Variants in PIK3C2B observed in about 807,000 individuals in gnomAD.
PIK3C2B encodes phosphatidylinositol-4-phosphate 3-kinase catalytic subunit type 2 beta.
In PIK3C2B, 83 loss-of-function variants were observed where a neutral mutation model predicts 184.3. That is an observed-to-expected ratio of 0.45 (90% CI 0.38 to 0.54). The LOEUF is 0.54. Ranked by LOEUF, PIK3C2B falls within the 20% of genes least tolerant of loss-of-function variation. The probability of loss-of-function intolerance (pLI) is 0.00; values close to 1 mark genes in which losing one functional copy is unlikely to be tolerated. For missense variants in PIK3C2B, 1,736 were observed against 2,113.5 expected, an observed-to-expected ratio of 0.82 and a Z score of 3.50; for synonymous variants, 779 against 837.6, an observed-to-expected ratio of 0.93 and a Z score of 1.21.
At chr1:204,440,963 C>T (rs1675626489) in intron 21 of PIK3C2B, among the ~76,000 whole-genome samples, 2 of 152,106 alleles carry the variant, frequency 1.3e-5, no homozygotes, top group African/African-American at 2.4e-5. Flanking sequence ...TTGGAACTTG[C>T]GCATAGCAAA....
chr1:204,480,700 G>A (rs543810973), intron 1 of PIK3C2B, among the ~76,000 whole-genome samples: 71 of 152,024 alleles, frequency 4.7e-4, no homozygotes, highest in African/African-American at 1.6e-3. Context: ...GTGGGCTGCC[G>A]GCAGCTGACA....
Position 204,445,963 on chromosome 1 carries a change from G to A in PIK3C2B, c.2671C>T (p.His891Tyr), listed in dbSNP as rs757038958. 4.6e-6 allele frequency: 7 copies of A among 1,529,120 alleles called. No individual in the cohort carries two copies. Among genetic ancestry groups the A allele is most frequent in the Non-Finnish European group, 6.2e-6 (7 of 1,129,656 alleles). The allele number at this position is 1,529,120 out of a possible 1,614,324, so 94.7% of individuals were successfully genotyped here. A position where few individuals can be genotyped will look rare whatever the true frequency, so the allele number is the denominator to read the frequency against. The change falls in exon 16 of 33, where the codon CAT (histidine) becomes TAT (tyrosine). Residue 891 changes from histidine (H) to tyrosine (Y), a missense_variant. By Grantham distance (83) the His-to-Tyr change is moderately conservative. This residue lies in a region of PIK3C2B where 289 missense variants were observed against 380.4 expected (regional missense o/e 0.76). Coordinates refer to ENST00000684373, the MANE Select transcript of PIK3C2B (RefSeq NM_001377334.1). ...MNHQDALGLL[H>Y]ATFPDQEVRR... ...GCAGATGTTACAACTCACGTGGCATGCAGGAGCCCCAGGGCATCCTGGTGG... is the reference window on the plus strand; with the variant it reads ...GCAGATGTTACAACTCACGTGGCATACAGGAGCCCCAGGGCATCCTGGTGG...
intron 1 of PIK3C2B, among the ~76,000 whole-genome samples, chr1:204,484,983 G>A (rs947795100): frequency 8.6e-5 from 13 of 151,934 alleles, no homozygotes; most frequent in African/African-American, 3.1e-4. Flanking sequence ...GGGAGTCCAG[G>A]TCCTTAGACT....
intron 21 of PIK3C2B, 100 bp downstream of exon 21, chr1:204,441,371 C>G: frequency 1.4e-6 from 1 of 695,692 alleles, no homozygotes; most frequent in Non-Finnish European, 2.6e-6. Context: ...CAGCATGGAA[C>G]AGTGGGAAGA....
chr1:204,424,951 G>A lies in PIK3C2B; in HGVS notation c.4806C>T (p.Val1602=). The A allele has an allele frequency of 6.2e-7, 1 of 1,614,182 alleles. No homozygotes were observed. The highest frequency in any genetic ancestry group is 8.5e-7 in the Non-Finnish European group (1 of 1,179,976). The stretch of plus-strand genomic sequence containing the variant: ...GGCGGATGTTCACCTCACCGAGGAG[G>A]ACGTTCTCCCAGAATCCCTGCTCAC... ...VLSEQGFWEN[V]LLGEVNIRLR... The change falls in exon 33 of 33, where the codon GTC becomes GTT. Residue 1602 remains valine, a synonymous_variant. Coordinates refer to ENST00000684373, the MANE Select transcript of PIK3C2B (RefSeq NM_001377334.1).
At chr1:204,464,875 G>A (rs1381434972) in intron 3 of PIK3C2B, among the ~76,000 whole-genome samples, 1 of 152,146 alleles carries the variant, frequency 6.6e-6, no homozygotes, top group Non-Finnish European at 1.5e-5. Flanking sequence ...AAGTTTAATG[G>A]AAAATTTTTT....
rs1653630373 is a variant in PIK3C2B, at chr1:204,444,111, T to C, written c.2824A>G (p.Lys942Glu). The C allele has an allele frequency of 1.2e-6, 2 of 1,613,926 alleles. No individual in the cohort carries two copies. The highest frequency in any genetic ancestry group is 1.7e-6 in the Non-Finnish European group (2 of 1,179,884). ...LDSPLVRFLL[K>E]RAVSDLRVTH... ...ACTCTCAAGTCAGACACAGCTCGTT[T>C]CAGGAGGAAGCGCACCAACGGGCTG... is the stretch of plus-strand genomic sequence containing the variant. The change falls in exon 18 of 33, where the codon AAA (lysine) becomes GAA (glutamate). Residue 942 changes from lysine to glutamate, a missense_variant. By Grantham distance (56) the Lys-to-Glu change is moderately conservative (BLOSUM62 1). Transcript: ENST00000684373.
chr1:204,443,392 G>T, intron 19 of PIK3C2B, 25 bp downstream of exon 19: 1 of 1,601,626 alleles, frequency 6.2e-7, no homozygotes, highest in Non-Finnish European at 8.5e-7. Flanking sequence ...TGAGAAATGG[G>T]TAGGGGCAGC....
chr1:204,457,630 T>C, intron 9 of PIK3C2B, 98 bp downstream of exon 9: 1 of 1,178,510 alleles, frequency 8.5e-7, no homozygotes, highest in Non-Finnish European at 1.2e-6. Context: ...AGCCCCTTTT[T>C]AGTGAGTGAA....
chr1:204,452,003 ACTGTC>A (rs1424992742), intron 12 of PIK3C2B, among the ~76,000 whole-genome samples: 5 of 152,164 alleles, frequency 3.3e-5, no homozygotes, highest in Non-Finnish European at 7.3e-5. Flanking sequence ...TGGCCCAAAG[ACTGTC>A]CTCTGAACGC....
At chr1:204,464,738 GC>G in intron 3 of PIK3C2B, 134 bp from the exon 4 acceptor site, 1 of 756,132 alleles carries the variant, frequency 1.3e-6, no homozygotes, top group Non-Finnish European at 2.1e-6. Context: ...AAATTTGCAG[GC>G]CAGGATGGGG....
At chr1:204,443,796 T>TTAAG (rs1219482846) in intron 18 of PIK3C2B, among the ~76,000 whole-genome samples, 199 bp from the exon 19 acceptor site, 1 of 152,194 alleles carries the variant, frequency 6.6e-6, no homozygotes, top group Non-Finnish European at 1.5e-5. Flanking sequence ...CACTCTGTCT[T>TTAAG]TAAGTAGAGT....
At chr1:204,454,473 C>T in intron 12 of PIK3C2B, 196 bp downstream of exon 12, 2 of 502,542 alleles carry the variant, frequency 4.0e-6, no homozygotes, top group Non-Finnish European at 6.8e-6. Flanking sequence ...CAAAGCGAGG[C>T]TGCCTCTCAA....
Position 204,425,788 on chromosome 1 carries a change from G to A in PIK3C2B, c.4588-47C>T, listed in dbSNP as rs761795685. 1.8e-5 allele frequency: 29 copies of A among 1,569,758 alleles called. No homozygotes were observed. In the Admixed American group the frequency reaches 4.7e-4, roughly 25 times the overall value. On this transcript the variant is annotated intron_variant, in intron 31 of 32. Transcript: ENST00000684373. ...AAAAATGTTAAGATTTTTAACATCT[G>A]TCTCTTCACCACCATTCCTGTGATC...
intron 1 of PIK3C2B, chr1:204,489,986 C>T: frequency 2.5e-6 from 1 of 397,120 alleles, no homozygotes; most frequent in Admixed American, 4.5e-5. Context: ...TCCACTCAAG[C>T]TTCTTCCTGG....
chr1:204,438,339 G>A (rs1675466415), intron 23 of PIK3C2B, among the ~76,000 whole-genome samples: 2 of 152,232 alleles, frequency 1.3e-5, no homozygotes, highest in South Asian at 4.1e-4. Flanking sequence ...GGCTACCAGG[G>A]CCCTACCACC....
Position 204,425,480 on chromosome 1 carries a change from G to A in PIK3C2B, c.4716+133C>T, listed in dbSNP as rs1043765191. ...CCATTGCAACATGAAAGCAGCTACA[G>A]GTAACACCTAAATCAGCAAGTACAG... On this transcript the variant is annotated intron_variant, in intron 32 of 32. Coordinates refer to ENST00000684373, the MANE Select transcript of PIK3C2B (RefSeq NM_001377334.1). The A allele has an allele frequency of 4.3e-5, 41 of 948,420 alleles. No individual in the cohort carries two copies. The African/African-American group carries it at 6.3e-4, about 15-fold the overall frequency. The allele number at this position is 948,420 out of a possible 1,614,324, so 58.8% of individuals were successfully genotyped here. A position where few individuals can be genotyped will look rare whatever the true frequency, so the allele number is the denominator to read the frequency against.
chr1:204,448,849 C>G (rs1050859055), intron 14 of PIK3C2B, among the ~76,000 whole-genome samples: 5 of 152,050 alleles, frequency 3.3e-5, no homozygotes, highest in Non-Finnish European at 7.4e-5. Context: ...CCTCAGGCCC[C>G]AAGAGGACCC....
intron 21 of PIK3C2B, among the ~76,000 whole-genome samples, chr1:204,440,865 A>C (rs1247982211): frequency 6.6e-6 from 1 of 151,674 alleles, no homozygotes; most frequent in Non-Finnish European, 1.5e-5. Context: ...TGCATGCCTC[A>C]GCCTCCCAAA....
Sources: allele counts gnomAD v4.1 joint callset (sites outside exome capture counted in the v4.1 genomes callset), GRCh38; gene constraint gnomAD v4.1.1; regional missense constraint gnomAD v4.1.1; transcripts MANE v1.5; gene names NCBI Gene and HGNC (gene_info 2026-07-23, HGNC 2026-07-21).